Variants in SRD5A3 observed in about 807,000 individuals in gnomAD.
SRD5A3 encodes the protein polyprenal reductase.
A neutral mutation model predicts 34.3 loss-of-function variants in SRD5A3; 24 were observed. That is an observed-to-expected ratio of 0.70 (90% CI 0.51 to 0.99). SRD5A3 has a LOEUF of 0.99. Ranked by LOEUF, SRD5A3 falls within the 50% of genes least tolerant of loss-of-function variation. The probability of loss-of-function intolerance (pLI) is 0.00; values close to 1 mark genes in which losing one functional copy is unlikely to be tolerated. For synonymous variants in SRD5A3, 161 were observed against 167.3 expected, an observed-to-expected ratio of 0.96 and a Z score of 0.29; for missense variants, 350 against 388.2, an observed-to-expected ratio of 0.90 and a Z score of 0.83.
intron 2 of SRD5A3, among the ~76,000 whole-genome samples, chr4:55,361,954 T>C (rs1278215638): frequency 6.6e-6 from 1 of 152,162 alleles, no homozygotes; most frequent in East Asian, 1.9e-4. Flanking sequence ...TGTGAGGATA[T>C]GAGGAATTCT....
intron 1 of SRD5A3, chr4:55,352,160 T>A: frequency 2.3e-6 from 2 of 871,648 alleles, no homozygotes; most frequent in Middle Eastern, 4.4e-4. Context: ...TAAGTCTGGT[T>A]TGGCTTTTAT....
At chr4:55,358,934 A>G (rs957811917) in intron 1 of SRD5A3, 2 of 211,372 alleles carry the variant, frequency 9.5e-6, no homozygotes, top group African/African-American at 2.3e-5. Context: ...TATTACTGCA[A>G]TATTGTTTGG....
chr4:55,370,186 G>C lies in SRD5A3; in HGVS notation c.*95G>C, dbSNP rs1720068422. On this transcript the variant is annotated 3_prime_UTR_variant, in exon 5 of 5. Coordinates refer to ENST00000264228, the MANE Select transcript of SRD5A3 (RefSeq NM_024592.5). ...CCCAAAGTACAGTTTCAGCAAAGCT[G>C]TTTGAAACTCTCCATTCCATTTCTA... The C allele has an allele frequency of 6.6e-7, 1 of 1,519,446 alleles. No individual in the cohort carries two copies. Among genetic ancestry groups the C allele is most frequent in the Non-Finnish European group, 9.0e-7 (1 of 1,105,992 alleles). The allele number at this position is 1,519,446 out of a possible 1,614,324, so 94.1% of individuals were successfully genotyped here. A position where few individuals can be genotyped will look rare whatever the true frequency, so the allele number is the denominator to read the frequency against.
At chr4:55,351,941 A>G in intron 1 of SRD5A3, 1 of 724,840 alleles carries the variant, frequency 1.4e-6, no homozygotes, top group Admixed American at 1.8e-5. Flanking sequence ...CTGTGGCCAC[A>G]ATATAAAACT....
intron 1 of SRD5A3, among the ~76,000 whole-genome samples, chr4:55,348,718 A>T (rs143632029): frequency 6.6e-6 from 1 of 152,190 alleles, no homozygotes; most frequent in Non-Finnish European, 1.5e-5. Context: ...TGTTATTGTC[A>T]TTATTCCCAT....
At chr4:55,361,124 A>T (rs1719672662) in intron 2 of SRD5A3, among the ~76,000 whole-genome samples, 4 of 152,258 alleles carry the variant, frequency 2.6e-5, no homozygotes, top group Admixed American at 2.6e-4. Flanking sequence ...CAGTGGCCAA[A>T]CCACCTAGAA....
intron 2 of SRD5A3, among the ~76,000 whole-genome samples, chr4:55,360,002 G>A (rs965484653): frequency 6.6e-6 from 1 of 150,816 alleles, no homozygotes; most frequent in Non-Finnish European, 1.5e-5. Flanking sequence ...CACAAGGTCA[G>A]GAGATCGAGA....
intron 1 of SRD5A3, among the ~76,000 whole-genome samples, chr4:55,349,381 A>G (rs1414517757): frequency 6.6e-6 from 1 of 152,202 alleles, no homozygotes; most frequent in Non-Finnish European, 1.5e-5. Flanking sequence ...TAATTGCTAC[A>G]GTTAGAAATA....
intron 3 of SRD5A3, chr4:55,364,474 G>A (rs926036496): frequency 4.5e-5 from 27 of 601,950 alleles, no homozygotes; most frequent in Non-Finnish European, 8.1e-5. Context: ...ACTTTGGGAG[G>A]CTGAGGCAGG....
At chr4:55,362,359 C>T (rs1001385878) in intron 2 of SRD5A3, among the ~76,000 whole-genome samples, 17 of 152,148 alleles carry the variant, frequency 1.1e-4, no homozygotes, top group Non-Finnish European at 2.1e-4. Flanking sequence ...AACTCCTGAC[C>T]TTGTGATCCG....
At chr4:55,352,446 G>C in intron 1 of SRD5A3, 1 of 723,534 alleles carries the variant, frequency 1.4e-6, no homozygotes, top group South Asian at 1.4e-5. Flanking sequence ...AATATTTTCA[G>C]AAGGGCTGTA....
At chr4:55,366,943 ACT>A (rs1253376947) in intron 3 of SRD5A3, 1 of 152,792 alleles carries the variant, frequency 6.5e-6, no homozygotes, top group Non-Finnish European at 1.5e-5. Context: ...CACTCCTGAA[ACT>A]CAGTCTCTCG....
intron 3 of SRD5A3, 82 bp from the exon 4 acceptor site, chr4:55,367,506 G>A (rs1434289080): frequency 3.9e-6 from 6 of 1,523,350 alleles, no homozygotes; most frequent in African/African-American, 1.4e-5. Context: ...GGATAATTGT[G>A]TTTCTGCTGA....
At chr4:55,358,277 C>T (rs936846876) in intron 1 of SRD5A3, among the ~76,000 whole-genome samples, 3 of 152,104 alleles carry the variant, frequency 2.0e-5, no homozygotes, top group African/African-American at 7.2e-5. Context: ...CACCTGTAAT[C>T]TCAGCACTTT....
At chr4:55,364,495 G>T in intron 3 of SRD5A3, 1 of 552,180 alleles carries the variant, frequency 1.8e-6, no homozygotes, top group South Asian at 1.9e-5. Context: ...TGGATCACTT[G>T]AGGCCAGGAG....
At chr4:55,360,980 G>A (rs111967912) in intron 2 of SRD5A3, among the ~76,000 whole-genome samples, 3,225 of 152,066 alleles carry the variant, frequency 0.021, 119 homozygotes, top group African/African-American at 0.074. Context: ...GTGAGCCACC[G>A]CGCCCGGCCA....
rs117291928 is a variant in SRD5A3, at chr4:55,358,954, A to G, written c.222-392A>G. Reference sequence around the variant, plus strand: ...CTGCAATATTGTTTGGGATATAGAAATCAAAATCTTTCACAGATTTAGCTT... The same window carrying G: ...CTGCAATATTGTTTGGGATATAGAAGTCAAAATCTTTCACAGATTTAGCTT... On this transcript the variant is annotated intron_variant, in intron 1 of 4. Coordinates refer to ENST00000264228, the MANE Select transcript of SRD5A3 (RefSeq NM_024592.5). 1.2e-3 allele frequency: 284 copies of G among 229,114 alleles called. 7 individuals are homozygous for G. The East Asian group carries it at 0.027, about 22-fold the overall frequency. 14.2% of individuals were successfully genotyped at this position (229,114 alleles called of 1,614,324 possible). A position where few individuals can be genotyped will look rare whatever the true frequency, so the allele number is the denominator to read the frequency against.
chr4:55,359,481 G>A lies in SRD5A3; in HGVS notation c.357G>A (p.Gln119=). Residue 119 remains glutamine (Q), a synonymous_variant, in exon 2 of 5, where the codon CAG becomes CAA. Coordinates refer to ENST00000264228, the MANE Select transcript of SRD5A3 (RefSeq NM_024592.5). ...HGLLRILGAA[Q]FQGGELALSA... is the part of the protein sequence containing the mutation. ...TGCTCAGAATTCTCGGGGCGGCACA[G>A]TTCCAGGGTAAGGACTCCCTGGGCT... 6.2e-7 allele frequency: 1 copy of A among 1,614,050 alleles called. No individual in the cohort carries two copies. Among genetic ancestry groups the A allele is most frequent in the Non-Finnish European group, 8.5e-7 (1 of 1,180,036 alleles).
intron 1 of SRD5A3, 42 bp downstream of exon 1, chr4:55,346,599 G>C: frequency 2.0e-6 from 3 of 1,514,650 alleles, no homozygotes; most frequent in Admixed American, 2.1e-5. Flanking sequence ...TCAAGGCGCT[G>C]AGAGTTCGGG....
Sources: gnomAD v4.1 joint callset for allele counts (sites outside exome capture counted in the v4.1 genomes callset) on GRCh38, gnomAD v4.1.1 for gene constraint, MANE v1.5 for transcripts, NCBI Gene and HGNC (gene_info 2026-07-23, HGNC 2026-07-21) for gene names.